SYNPR: variants seen among roughly 807,000 people sequenced by gnomAD.
SYNPR encodes synaptoporin.
Under a neutral mutation model 32.9 loss-of-function variants are expected in SYNPR, and 23 were observed. The observed-to-expected ratio is 0.70, with a 90% CI of 0.50 to 0.99. The LOEUF is 0.99. Ranked by LOEUF, SYNPR falls within the 50% of genes least tolerant of loss-of-function variation. The pLI, the probability that SYNPR is intolerant of heterozygous loss-of-function variation, is 0.00. For synonymous variants in SYNPR, 146 were observed against 135.9 expected (o/e 1.07, Z -0.52); for missense variants, 318 against 349.3 (o/e 0.91, Z 0.71).
intron 2 of SYNPR, among the ~76,000 whole-genome samples, chr3:63,288,934 C>G (rs996445478): frequency 6.6e-6 from 1 of 152,172 alleles, no homozygotes; most frequent in Admixed American, 6.5e-5. Flanking sequence ...GTTTTGGGGT[C>G]CATTTTATAC....
chr3:63,368,588 A>G (rs1029747421), intron 2 of SYNPR, among the ~76,000 whole-genome samples: 2 of 152,190 alleles, frequency 1.3e-5, no homozygotes, highest in African/African-American at 4.8e-5. Context: ...AGACGAGTGA[A>G]TCTGGACCTC....
chr3:63,508,693 A>ATGGCC (rs1295958585), intron 3 of SYNPR, among the ~76,000 whole-genome samples: 3 of 152,140 alleles, frequency 2.0e-5, no homozygotes, highest in Non-Finnish European at 4.4e-5. Flanking sequence ...GACCAATCAC[A>ATGGCC]TGGCCTGAAG....
At chr3:63,217,731 G>C in the SYNPR span, among the ~76,000 whole-genome samples, 69 of 152,270 alleles carry the variant, frequency 4.5e-4, no homozygotes, top group African/African-American at 1.6e-3. Flanking sequence ...TCTTTCTTTA[G>C]TTGGGGATTT....
intron 2 of SYNPR, among the ~76,000 whole-genome samples, chr3:63,417,953 T>C (rs533828859): frequency 6.6e-6 from 1 of 152,234 alleles, no homozygotes; most frequent in African/African-American, 2.4e-5. Context: ...CTACACTGTC[T>C]TGGTGATTAA....
At chr3:63,405,543 C>T (rs1560219790) in intron 2 of SYNPR, among the ~76,000 whole-genome samples, 1 of 152,070 alleles carries the variant, frequency 6.6e-6, no homozygotes, top group East Asian at 1.9e-4. Flanking sequence ...CCAGATAGCA[C>T]AGGGCCCATA....
chr3:63,387,760 G>A (rs1019781914), intron 2 of SYNPR, among the ~76,000 whole-genome samples: 1 of 152,158 alleles, frequency 6.6e-6, no homozygotes, highest in African/African-American at 2.4e-5. Flanking sequence ...AGGCTATTGA[G>A]GGTATTTGGA....
At chr3:63,412,903 G>A (rs1206539903) in intron 2 of SYNPR, among the ~76,000 whole-genome samples, 3 of 152,112 alleles carry the variant, frequency 2.0e-5, no homozygotes, top group African/African-American at 4.8e-5. Flanking sequence ...TGCTGGAGTC[G>A]TGGTGGATGG....
intron 2 of SYNPR, among the ~76,000 whole-genome samples, chr3:63,434,748 T>A (rs1700050292): frequency 6.6e-6 from 1 of 152,192 alleles, no homozygotes; most frequent in Non-Finnish European, 1.5e-5. Flanking sequence ...TCCTAAGCCA[T>A]CAATTTGCTG....
intron 3 of SYNPR, among the ~76,000 whole-genome samples, chr3:63,550,848 C>A (rs1702488720): frequency 6.6e-6 from 1 of 152,342 alleles, no homozygotes; most frequent in Non-Finnish European, 1.5e-5. Flanking sequence ...ATTTGGCCAC[C>A]TGGCCAAGAA....
intron 3 of SYNPR, among the ~76,000 whole-genome samples, chr3:63,515,795 G>C (rs956986498): frequency 4.6e-5 from 7 of 152,190 alleles, no homozygotes; most frequent in Non-Finnish European, 7.4e-5. Context: ...AAATTTGTTT[G>C]TATGTGTATA....
chr3:63,543,510 T>C (rs930684774), intron 3 of SYNPR, among the ~76,000 whole-genome samples: 1 of 152,108 alleles, frequency 6.6e-6, no homozygotes, highest in African/African-American at 2.4e-5. Flanking sequence ...GTGAAAGGAA[T>C]TGCTTGCTGT....
chr3:63,418,576 AAG>A (rs2088569623), intron 2 of SYNPR, among the ~76,000 whole-genome samples: 1 of 152,210 alleles, frequency 6.6e-6, no homozygotes, highest in Non-Finnish European at 1.5e-5. Context: ...TATGAAGAAA[AAG>A]AGGTTTAATG....
chr3:63,356,077 ACAT>A (rs2087574135), intron 2 of SYNPR, among the ~76,000 whole-genome samples: 1 of 152,180 alleles, frequency 6.6e-6, no homozygotes, highest in Non-Finnish European at 1.5e-5. Flanking sequence ...AGGGAATAAG[ACAT>A]CATGTTGTTC....
chr3:63,251,806 C>T (rs1349646874), intron 1 of SYNPR, among the ~76,000 whole-genome samples: 2 of 151,950 alleles, frequency 1.3e-5, no homozygotes, highest in Admixed American at 6.6e-5. Context: ...TACTCATGCC[C>T]TATACCCTCT....
chr3:63,358,600 T>C (rs2087615403), intron 2 of SYNPR, among the ~76,000 whole-genome samples: 1 of 148,422 alleles, frequency 6.7e-6, no homozygotes, highest in African/African-American at 2.5e-5. Context: ...AGGGAGCTAT[T>C]ATTCTATATA....
chr3:63,519,035 A>G (rs1701854646), intron 3 of SYNPR, among the ~76,000 whole-genome samples: 1 of 152,156 alleles, frequency 6.6e-6, no homozygotes, highest in Non-Finnish European at 1.5e-5. Flanking sequence ...GTTTTTGTTT[A>G]TAGTTCTGTT....
At chr3:63,556,449 C>T (rs1702595617) in intron 3 of SYNPR, 94 bp from the exon 4 acceptor site, 3 of 1,125,298 alleles carry the variant, frequency 2.7e-6, no homozygotes, top group African/African-American at 3.1e-5. Flanking sequence ...ACTCCCAGAT[C>T]ACATCCCATT....
chr3:63,519,515 C>T (rs11918416), intron 3 of SYNPR, among the ~76,000 whole-genome samples: 39,677 of 152,108 alleles, frequency 0.26, 5,702 homozygotes, highest in East Asian at 0.54. Context: ...GTTGCCTCAG[C>T]TCACCTAATC....
chr3:63,545,884 C>T (rs1241339991), intron 3 of SYNPR, among the ~76,000 whole-genome samples: 2 of 152,062 alleles, frequency 1.3e-5, no homozygotes, highest in Admixed American at 6.6e-5. Flanking sequence ...CTGTATGTTT[C>T]TAAATGTTAT....
Sources: gnomAD v4.1 joint callset for allele counts (sites outside exome capture counted in the v4.1 genomes callset) on GRCh38, gnomAD v4.1.1 for gene constraint, MANE v1.5 for transcripts, NCBI Gene and HGNC (gene_info 2026-07-23, HGNC 2026-07-21) for gene names.